Variants in ATP6V1A observed in about 807,000 individuals in gnomAD.
ATP6V1A encodes ATPase H+ transporting V1 subunit A.
ATP6V1A carries 18 observed loss-of-function variants against 70.1 expected under a neutral mutation model. The observed-to-expected ratio is 0.26, with a 90% CI of 0.18 to 0.38. The LOEUF is 0.38. Ranked by LOEUF, ATP6V1A falls within the 10% of genes least tolerant of loss-of-function variation. The probability of loss-of-function intolerance (pLI) is 1.00; values close to 1 mark genes in which losing one functional copy is unlikely to be tolerated. For synonymous variants in ATP6V1A, 232 were observed against 253.8 expected (o/e 0.91, Z 0.82); for missense variants, 424 against 772.4 (o/e 0.55, Z 5.35).
At chr3:113,789,612 G>T in intron 7 of ATP6V1A, 120 bp from the exon 8 acceptor site, 1 of 644,438 alleles carries the variant, frequency 1.6e-6, no homozygotes. Context: ...ATTACTTTAG[G>T]AACACTGATT....
At position 113,798,578 on chromosome 3, in the gene ATP6V1A, T is replaced by G. The variant is rs188986533; in HGVS notation, c.1494+132T>G. On this transcript the variant is annotated intron_variant, in intron 12 of 14. Transcript: ENST00000273398. ...TTTATTAAATATTTTTAATTGAAAT[T>G]TTCTATTCATTATAGTACTTAGCAT... 7 of 736,964 alleles carry G rather than the reference T, an allele frequency of 9.5e-6. No homozygotes were observed. The East Asian group carries it at 1.7e-4, about 18-fold the overall frequency. The allele number at this position is 736,964 out of a possible 1,614,324, so 45.7% of individuals were successfully genotyped here.
intron 1 of ATP6V1A, among the ~76,000 whole-genome samples, chr3:113,754,328 T>C (rs564085201): frequency 6.6e-6 from 1 of 151,980 alleles, no homozygotes; most frequent in Non-Finnish European, 1.5e-5. Flanking sequence ...TTGGAGACCA[T>C]CCTGGGCAAC....
chr3:113,752,922 C>T (rs1708603506), intron 1 of ATP6V1A, among the ~76,000 whole-genome samples: 1 of 152,026 alleles, frequency 6.6e-6, no homozygotes, highest in Non-Finnish European at 1.5e-5. Context: ...TTCCTTTATA[C>T]AAACAATCCA....
chr3:113,779,705 C>T (rs1048847429), intron 2 of ATP6V1A, among the ~76,000 whole-genome samples: 12 of 152,102 alleles, frequency 7.9e-5, no homozygotes, highest in Non-Finnish European at 1.5e-4. Flanking sequence ...AATAATTGTC[C>T]TCTCAATGAT....
chr3:113,797,586 G>A (rs150289271), intron 11 of ATP6V1A, among the ~76,000 whole-genome samples: 1 of 152,058 alleles, frequency 6.6e-6, no homozygotes, highest in African/African-American at 2.4e-5. Context: ...AGTAAAGTGT[G>A]TATTCGATCT....
At chr3:113,754,032 G>A (rs1210718380) in intron 1 of ATP6V1A, among the ~76,000 whole-genome samples, 10 of 152,074 alleles carry the variant, frequency 6.6e-5, no homozygotes, top group African/African-American at 1.7e-4. Context: ...GGTTGTCACC[G>A]TTGGAAAGAG....
intron 1 of ATP6V1A, among the ~76,000 whole-genome samples, chr3:113,753,525 CA>C (rs750156408): frequency 6.6e-6 from 1 of 151,926 alleles, no homozygotes; most frequent in East Asian, 1.9e-4. Flanking sequence ...TTAGTAGTGG[CA>C]AAAAACGTGG....
In ATP6V1A at chr3:113,749,080, GA is replaced by G. The variant is rs1708556270; in HGVS notation, c.-14+1971del. Reference sequence around the variant, plus strand: ...GCTAGAAGCATTGACTACTAGAGGGGAAAATGTCAGTATGAAAGTGGTTGGA... The same window carrying G: ...GCTAGAAGCATTGACTACTAGAGGGGAAATGTCAGTATGAAAGTGGTTGGA... On this transcript the variant is annotated intron_variant, in intron 1 of 14. Coordinates refer to ENST00000273398, the MANE Select transcript of ATP6V1A (RefSeq NM_001690.4). Among the ~76,000 whole-genome samples the G allele has an allele frequency of 2.0e-5, 3 of 152,232 alleles. No individual in the cohort carries two copies. In the South Asian group the frequency reaches 6.2e-4, roughly 32 times the overall value.
Position 113,784,781 on chromosome 3 carries a change from G to A in ATP6V1A, c.512G>A (p.Arg171Gln), listed in dbSNP as rs922143048. ...LIKHKIMLPPRNRGTVTYIAP... is the reference protein window; with the variant it reads ...LIKHKIMLPPQNRGTVTYIAP... ...AAACACAAAATCATGTTACCCCCAC[G>A]AAACAGAGGAACTGTAACTTACATT... is the stretch of plus-strand genomic sequence containing the variant. Residue 171 changes from arginine to glutamine, a missense_variant, in exon 5 of 15, where the codon CGA (arginine) becomes CAA (glutamine). By Grantham distance (43) the Arg-to-Gln change is conservative (BLOSUM62 1). Coordinates refer to ENST00000273398, the MANE Select transcript of ATP6V1A (RefSeq NM_001690.4). 13 of 1,613,912 alleles carry A rather than the reference G, an allele frequency of 8.1e-6. No homozygotes were observed. The highest frequency in any genetic ancestry group is 1.1e-5 in the Non-Finnish European group (13 of 1,179,940).
At chr3:113,754,398 T>C (rs1254413655) in intron 1 of ATP6V1A, among the ~76,000 whole-genome samples, 1 of 152,078 alleles carries the variant, frequency 6.6e-6, no homozygotes, top group Non-Finnish European at 1.5e-5. Flanking sequence ...TTGGGCACGA[T>C]GGCATGCACC....
chr3:113,773,918 C>T (rs1708879129), intron 1 of ATP6V1A, among the ~76,000 whole-genome samples: 1 of 152,090 alleles, frequency 6.6e-6, no homozygotes, highest in Non-Finnish European at 1.5e-5. Context: ...TCCACTATGC[C>T]AGAAGATCCT....
intron 1 of ATP6V1A, chr3:113,747,364 A>C (rs1340591047): frequency 6.6e-6 from 1 of 152,214 alleles, no homozygotes; most frequent in Non-Finnish European, 1.5e-5. Context: ...ATGGTTCCCT[A>C]CTCAGAGCCT....
At chr3:113,784,649 A>G (rs1709017985) in intron 4 of ATP6V1A, 47 bp from the exon 5 acceptor site, 1 of 1,601,978 alleles carries the variant, frequency 6.2e-7, no homozygotes, top group Admixed American at 1.7e-5. Context: ...GGGCAAGTCT[A>G]CTTGACATTT....
intron 3 of ATP6V1A, among the ~76,000 whole-genome samples, chr3:113,781,452 A>T (rs1197693150): frequency 6.6e-6 from 1 of 152,222 alleles, no homozygotes; most frequent in South Asian, 2.1e-4. Flanking sequence ...TGGAGGTGGG[A>T]GGTTGCAGTG....
At chr3:113,751,717 A>G (rs868459212) in intron 1 of ATP6V1A, among the ~76,000 whole-genome samples, 1 of 151,222 alleles carries the variant, frequency 6.6e-6, no homozygotes, top group African/African-American at 2.4e-5. Flanking sequence ...AAATATTTGT[A>G]GTATATAAAG....
chr3:113,760,470 T>C (rs779631329), intron 1 of ATP6V1A, among the ~76,000 whole-genome samples: 4 of 152,260 alleles, frequency 2.6e-5, no homozygotes, highest in Non-Finnish European at 5.9e-5. Context: ...GGCTTACGCC[T>C]GTAATCCCAG....
intron 1 of ATP6V1A, among the ~76,000 whole-genome samples, chr3:113,761,818 G>A (rs1298505412): frequency 1.4e-5 from 2 of 138,356 alleles, no homozygotes; most frequent in Admixed American, 7.1e-5. Context: ...TTCTTTTGAA[G>A]GTGATAATTT....
intron 10 of ATP6V1A, 103 bp downstream of exon 10, chr3:113,795,307 CT>C: frequency 3.2e-6 from 4 of 1,242,326 alleles, no homozygotes; most frequent in African/African-American, 1.5e-5. Flanking sequence ...TTAGCTCCCG[CT>C]GGGAGCAGCG....
At chr3:113,798,512 G>C in intron 12 of ATP6V1A, 66 bp downstream of exon 12, 3 of 1,467,466 alleles carry the variant, frequency 2.0e-6, no homozygotes, top group Non-Finnish European at 2.8e-6. Flanking sequence ...AGGACAGATA[G>C]AGCCTTGGAT....
Sources: gnomAD v4.1 joint callset for allele counts (sites outside exome capture counted in the v4.1 genomes callset) on GRCh38, gnomAD v4.1.1 for gene constraint, MANE v1.5 for transcripts, NCBI Gene and HGNC (gene_info 2026-07-23, HGNC 2026-07-21) for gene names.